The following AGMO variants were observed in gnomAD, a reference collection of about 807,000 sequenced individuals.
AGMO encodes the protein glyceryl-ether monooxygenase.
Under a neutral mutation model 60.2 loss-of-function variants are expected in AGMO, and 75 were observed. That is an observed-to-expected ratio of 1.25 (90% CI 1.03 to 1.51). The LOEUF is 1.51. Among genes scored for constraint, AGMO ranks in the 40% most tolerant of loss-of-function variants. The pLI is 0.00. For missense variants in AGMO, 763 were observed against 525.5 expected (o/e 1.45, Z -4.42); for synonymous variants, 261 against 177.1 (o/e 1.47, Z -3.76).
chr7:15,383,535 G>T lies in AGMO; in HGVS notation c.1074+1911C>A, dbSNP rs181771128. ...CTATATAAATCATACAGAATATATA[G>T]AACTGTTACAGTAACATCTTCATAC... On this transcript the variant is annotated intron_variant, in intron 10 of 12. Transcript: ENST00000342526. Among the ~76,000 whole-genome samples the T allele has an allele frequency of 1.2e-3, 180 of 152,082 alleles. 1 individual carries two copies. The highest frequency in any genetic ancestry group is 4.3e-3 in the African/African-American group (177 of 41,498).
intron 12 of AGMO, among the ~76,000 whole-genome samples, chr7:15,349,489 T>C (rs890908843): frequency 6.6e-6 from 1 of 152,102 alleles, no homozygotes; most frequent in Non-Finnish European, 1.5e-5. Flanking sequence ...CACTATTCCC[T>C]CCGTTTTGTT....
At chr7:15,347,995 C>T (rs975928134) in intron 12 of AGMO, among the ~76,000 whole-genome samples, 3 of 152,048 alleles carry the variant, frequency 2.0e-5, no homozygotes, top group African/African-American at 7.2e-5. Flanking sequence ...GTTTACTCAG[C>T]TCTTGATCTC....
At position 15,270,596 on chromosome 7, in the gene AGMO, A is replaced by ATTTTTTTTTTTTTTTTTTTTTTTTTTT. The variant is rs527463907; in HGVS notation, c.1264-69264_1264-69238dup. Among the ~76,000 whole-genome samples the ATTTTTTTTTTTTTTTTTTTTTTTTTTT allele has an allele frequency of 3.3e-4, 16 of 48,068 alleles. 1 individual carries two copies. Among genetic ancestry groups the ATTTTTTTTTTTTTTTTTTTTTTTTTTT allele is most frequent in the Admixed American group, 5.3e-4 (2 of 3,740 alleles). 31.5% of individuals were successfully genotyped at this position (48,068 alleles called of 152,430 possible). ...ATTAAACAAATTTAATCTGTTGATA[A>ATTTTTTTTTTTTTTTTTTTTTTTTTTT]TTTTTTTTTTTTTTTTTTTTTTTTT... is the stretch of plus-strand genomic sequence containing the variant. On this transcript the variant is annotated intron_variant, in intron 12 of 12. Transcript: ENST00000342526.
intron 12 of AGMO, among the ~76,000 whole-genome samples, chr7:15,256,488 G>C (rs1049987342): frequency 6.6e-6 from 1 of 152,014 alleles, no homozygotes; most frequent in Non-Finnish European, 1.5e-5. Flanking sequence ...GACTACAGGC[G>C]CCCACCACGA....
chr7:15,401,986 C>G (rs1324174574), intron 5 of AGMO, among the ~76,000 whole-genome samples: 3 of 151,974 alleles, frequency 2.0e-5, no homozygotes, highest in African/African-American at 4.8e-5. Context: ...CCAGCGGAGC[C>G]CAGACCACTG....
chr7:15,482,105 T>C (rs567439480), intron 3 of AGMO, among the ~76,000 whole-genome samples: 81 of 148,028 alleles, frequency 5.5e-4, no homozygotes, highest in Non-Finnish European at 8.8e-4. Flanking sequence ...CATATCCACA[T>C]GAAAAAATCA....
At chr7:15,396,598 T>G (rs1020946439) in intron 5 of AGMO, 1 of 152,242 alleles carries the variant, frequency 6.6e-6, no homozygotes, top group African/African-American at 2.4e-5. Context: ...GATCGCCAGC[T>G]TTTATTCCCT....
chr7:15,239,449 A>G (rs567884091), intron 12 of AGMO, among the ~76,000 whole-genome samples: 6 of 152,222 alleles, frequency 3.9e-5, no homozygotes, highest in South Asian at 2.1e-4. Flanking sequence ...GAAGAAAACA[A>G]TGGAATAATT....
chr7:15,338,242 A>C (rs889389320), intron 12 of AGMO, among the ~76,000 whole-genome samples: 6 of 152,206 alleles, frequency 3.9e-5, no homozygotes, highest in Non-Finnish European at 7.3e-5. Context: ...TCATGTTACA[A>C]GACCATTACT....
chr7:15,235,679 T>C (rs764952450), intron 12 of AGMO, among the ~76,000 whole-genome samples: 1 of 152,154 alleles, frequency 6.6e-6, no homozygotes, highest in African/African-American at 2.4e-5. Context: ...ATAGGGATTG[T>C]TATAGCCACT....
At chr7:15,362,721 C>G (rs1422657059) in intron 12 of AGMO, among the ~76,000 whole-genome samples, 2 of 152,146 alleles carry the variant, frequency 1.3e-5, no homozygotes, top group Non-Finnish European at 2.9e-5. Context: ...TTCCTTGGAT[C>G]ATAAACCAAA....
At chr7:15,383,308 A>G (rs960445947) in intron 10 of AGMO, among the ~76,000 whole-genome samples, 1 of 152,152 alleles carries the variant, frequency 6.6e-6, no homozygotes, top group Non-Finnish European at 1.5e-5. Flanking sequence ...ATTCCTGATG[A>G]CATTATTTGC....
At chr7:15,425,313 A>T (rs1781030352) in intron 4 of AGMO, among the ~76,000 whole-genome samples, 1 of 152,186 alleles carries the variant, frequency 6.6e-6, no homozygotes. Context: ...TTAAATTATT[A>T]TGCTCAAATA....
At chr7:15,189,555 T>G in the AGMO span, among the ~76,000 whole-genome samples, 5 of 152,050 alleles carry the variant, frequency 3.3e-5, no homozygotes, top group Non-Finnish European at 7.4e-5. Context: ...TCACTTTTTG[T>G]TTTTTGAAGT....
At chr7:15,249,565 T>C (rs1225855778) in intron 12 of AGMO, among the ~76,000 whole-genome samples, 2 of 152,128 alleles carry the variant, frequency 1.3e-5, no homozygotes, top group East Asian at 3.9e-4. Flanking sequence ...AATTCTGAAG[T>C]ATGACACCCT....
At chr7:15,239,703 G>A (rs1427416294) in intron 12 of AGMO, among the ~76,000 whole-genome samples, 2 of 152,044 alleles carry the variant, frequency 1.3e-5, no homozygotes, top group Non-Finnish European at 2.9e-5. Context: ...CAATCAGGGC[G>A]TTTTACAATT....
At chr7:15,161,583 A>G in the AGMO span, among the ~76,000 whole-genome samples, 2 of 151,542 alleles carry the variant, frequency 1.3e-5, no homozygotes, top group African/African-American at 4.8e-5. Context: ...ATATATGTGT[A>G]TATATACATA....
At chr7:15,173,420 T>A in the AGMO span, among the ~76,000 whole-genome samples, 3 of 152,166 alleles carry the variant, frequency 2.0e-5, no homozygotes, top group Non-Finnish European at 4.4e-5. Flanking sequence ...TTATATAGTA[T>A]TGATTCCTTT....
chr7:15,441,770 G>C (rs1365767082), intron 3 of AGMO, among the ~76,000 whole-genome samples: 1 of 152,036 alleles, frequency 6.6e-6, no homozygotes, highest in South Asian at 2.1e-4. Flanking sequence ...GAAAGGAGAC[G>C]AACATAAGGA....
Sources: gnomAD v4.1 joint callset for allele counts (sites outside exome capture counted in the v4.1 genomes callset) on GRCh38, gnomAD v4.1.1 for gene constraint, MANE v1.5 for transcripts, NCBI Gene and HGNC (gene_info 2026-07-23, HGNC 2026-07-21) for gene names.